Variants in NCKAP5 observed in about 807,000 individuals in gnomAD.
NCKAP5 encodes the protein nck-associated protein 5.
NCKAP5 carries 92 observed loss-of-function variants against 167.0 expected under a neutral mutation model. That is an observed-to-expected ratio of 0.55 (90% CI 0.47 to 0.66). NCKAP5 has a LOEUF of 0.66. Ranked by LOEUF, NCKAP5 falls within the 30% of genes least tolerant of loss-of-function variation. NCKAP5 has a pLI of 0.00. For missense variants in NCKAP5, 2,378 were observed against 2,315.0 expected, an observed-to-expected ratio of 1.03 and a Z score of -0.56; for synonymous variants, 891 against 877.4, an observed-to-expected ratio of 1.02 and a Z score of -0.27.
At chr2:132,845,044 T>C (rs189018633) in intron 11 of NCKAP5, among the ~76,000 whole-genome samples, 9 of 152,288 alleles carry the variant, frequency 5.9e-5, no homozygotes, top group African/African-American at 2.2e-4. Flanking sequence ...TGTTTTAATA[T>C]GCTAACTGGC....
intron 5 of NCKAP5, among the ~76,000 whole-genome samples, chr2:133,130,996 TAAAAG>T (rs1468116265): frequency 2.0e-5 from 3 of 152,184 alleles, no homozygotes; most frequent in Non-Finnish European, 4.4e-5. Context: ...CATATATACT[TAAAAG>T]GAAAGAAGGC....
chr2:133,655,172 A>G, the NCKAP5 span, among the ~76,000 whole-genome samples: 4 of 152,194 alleles, frequency 2.6e-5, no homozygotes, highest in African/African-American at 9.7e-5. Flanking sequence ...GAGTGATTGC[A>G]CTCTGCTGTG....
intron 5 of NCKAP5, among the ~76,000 whole-genome samples, chr2:133,189,557 C>G (rs936921336): frequency 6.6e-6 from 1 of 152,150 alleles, no homozygotes. Context: ...CAAACCAAAT[C>G]CATCAGCACA....
intron 8 of NCKAP5, among the ~76,000 whole-genome samples, chr2:132,900,975 A>C (rs1028806682): frequency 7.4e-6 from 1 of 134,700 alleles, no homozygotes; most frequent in African/African-American, 2.6e-5. Context: ...CAAAAAAAAA[A>C]AGAAAAAAAA....
chr2:132,771,799 A>G (rs1259368699), intron 16 of NCKAP5, among the ~76,000 whole-genome samples: 6 of 147,426 alleles, frequency 4.1e-5, no homozygotes, highest in Admixed American at 4.0e-4. Context: ...CAGCCTCCTG[A>G]GTAGCTGGGA....
intron 6 of NCKAP5, among the ~76,000 whole-genome samples, chr2:133,093,751 C>A (rs1246606349): frequency 6.6e-6 from 1 of 152,160 alleles, no homozygotes; most frequent in Non-Finnish European, 1.5e-5. Context: ...AGTTCCCATT[C>A]ATTTACTATT....
At chr2:133,644,231 T>C in the NCKAP5 span, among the ~76,000 whole-genome samples, 1 of 152,064 alleles carries the variant, frequency 6.6e-6, no homozygotes. Context: ...CTATTGGAGG[T>C]CTGAATAGAA....
chr2:132,887,319 T>TTATCTATCTATCTATCTATCTATC (rs142083213), intron 8 of NCKAP5, among the ~76,000 whole-genome samples: 10 of 140,908 alleles, frequency 7.1e-5, no homozygotes, highest in South Asian at 2.3e-4. Flanking sequence ...AACTTTTATT[T>TTATCTATCTATCTATCTATCTATC]TATCTATCTA....
In NCKAP5 at chr2:133,489,390, GT is replaced by G. The variant is rs148134603; in HGVS notation, c.69+28067del. Among the ~76,000 whole-genome samples, 1,039 of 152,226 alleles carry G rather than the reference GT, an allele frequency of 6.8e-3. 17 individuals carry two copies. Among genetic ancestry groups the G allele is most frequent in the African/African-American group, 0.024 (991 of 41,534 alleles). On this transcript the variant is annotated intron_variant, in intron 3 of 19. Coordinates refer to ENST00000409261, the MANE Select transcript of NCKAP5 (RefSeq NM_207363.3). ...CAGGCAGACAGAGATTCAAAAATGT[GT>G]TTCATAGGGGATCTTTCTTAGCAGA... is the stretch of plus-strand genomic sequence containing the variant.
intron 19 of NCKAP5, among the ~76,000 whole-genome samples, chr2:132,674,971 T>A (rs1684242605): frequency 6.6e-6 from 1 of 152,184 alleles, no homozygotes; most frequent in South Asian, 2.1e-4. Flanking sequence ...CAAGGGCCCC[T>A]TTCAACACCA....
chr2:132,829,081 A>G (rs1687336152), intron 11 of NCKAP5, among the ~76,000 whole-genome samples: 1 of 152,228 alleles, frequency 6.6e-6, no homozygotes, highest in Non-Finnish European at 1.5e-5. Context: ...TTACAATAAT[A>G]AAAACAACGA....
intron 8 of NCKAP5, chr2:132,954,604 C>T (rs1333739939): frequency 6.6e-6 from 3 of 451,722 alleles, no homozygotes; most frequent in Non-Finnish European, 1.3e-5. Context: ...TCTACATAGC[C>T]ACTGCATCAT....
At position 133,552,956 on chromosome 2, in the gene NCKAP5, C is replaced by T. The variant is rs574856033; in HGVS notation, c.-62+6094G>A. 3.3e-5 allele frequency among the ~76,000 whole-genome samples: 5 copies of T among 152,074 alleles called. No homozygotes were observed. In the East Asian group the frequency reaches 7.7e-4, roughly 24 times the overall value. Reference sequence around the variant, plus strand: ...GCATGAAGCAAGTAGAAGTCAGAGCCCAAGTTTTAAAAAGTTTTACTGTTG... The same window carrying T: ...GCATGAAGCAAGTAGAAGTCAGAGCTCAAGTTTTAAAAAGTTTTACTGTTG... On this transcript the variant is annotated intron_variant, in intron 2 of 19. Transcript: ENST00000409261.
chr2:133,009,578 C>T (rs1243479693), intron 6 of NCKAP5, among the ~76,000 whole-genome samples: 1 of 152,158 alleles, frequency 6.6e-6, no homozygotes, highest in African/African-American at 2.4e-5. Flanking sequence ...CATGTATCCC[C>T]TCATCCATTT....
the NCKAP5 span, among the ~76,000 whole-genome samples, chr2:133,674,649 A>T: frequency 1.3e-5 from 2 of 152,142 alleles, no homozygotes; most frequent in Admixed American, 6.5e-5. Flanking sequence ...AACAAAAAAA[A>T]AAGAAGAGAA....
the NCKAP5 span, among the ~76,000 whole-genome samples, chr2:133,635,165 T>C: frequency 1.3e-5 from 2 of 152,240 alleles, no homozygotes; most frequent in Non-Finnish European, 2.9e-5. Context: ...TGAGCCACCA[T>C]GCCTGGCTGT....
chr2:132,710,967 A>G (rs1253442897), intron 19 of NCKAP5, among the ~76,000 whole-genome samples: 1 of 152,216 alleles, frequency 6.6e-6, no homozygotes, highest in Non-Finnish European at 1.5e-5. Flanking sequence ...AATCCAGCTA[A>G]GTTTCGAATG....
intron 3 of NCKAP5, among the ~76,000 whole-genome samples, chr2:133,421,499 G>A (rs1689475691): frequency 6.6e-6 from 1 of 152,202 alleles, no homozygotes; most frequent in Non-Finnish European, 1.5e-5. Context: ...GGAGAAGGGA[G>A]AGAGATTCAA....
intron 1 of NCKAP5, among the ~76,000 whole-genome samples, chr2:133,567,060 A>C (rs1688602280): frequency 6.6e-6 from 1 of 152,244 alleles, no homozygotes; most frequent in South Asian, 2.1e-4. Context: ...GTGACAGAGC[A>C]GCTGAATTCA....
Sources: allele counts gnomAD v4.1 joint callset (sites outside exome capture counted in the v4.1 genomes callset), GRCh38; gene constraint gnomAD v4.1.1; transcripts MANE v1.5; gene names NCBI Gene and HGNC (gene_info 2026-07-23, HGNC 2026-07-21).